Variants in EHBP1 observed in about 807,000 individuals in gnomAD.
The protein encoded by EHBP1 is EH domain-binding protein 1.
EHBP1 carries 55 observed loss-of-function variants against 144.0 expected under a neutral mutation model. The observed-to-expected ratio is 0.38, with a 90% CI of 0.31 to 0.48. The LOEUF is 0.48. EHBP1 is among the 20% of genes least tolerant of loss of function. The pLI is 0.98. For synonymous variants in EHBP1, 469 were observed against 472.7 expected (o/e 0.99, Z 0.10); for missense variants, 1,200 against 1,364.2 (o/e 0.88, Z 1.90).
intron 1 of EHBP1, among the ~76,000 whole-genome samples, chr2:62,685,139 T>C (rs534504423): frequency 6.6e-6 from 1 of 152,302 alleles, no homozygotes; most frequent in East Asian, 1.9e-4. Flanking sequence ...TTGAGTACAG[T>C]ACATTATAAT....
chr2:62,737,566 G>T (rs2038270377), intron 2 of EHBP1, among the ~76,000 whole-genome samples: 1 of 152,174 alleles, frequency 6.6e-6, no homozygotes, highest in Non-Finnish European at 1.5e-5. Flanking sequence ...CCTCATTTCT[G>T]TTATGGATCT....
chr2:62,823,250 A>G (rs1326742992), intron 5 of EHBP1, among the ~76,000 whole-genome samples: 1 of 152,168 alleles, frequency 6.6e-6, no homozygotes, highest in Non-Finnish European at 1.5e-5. Flanking sequence ...AAATACTGCC[A>G]GATGCACATA....
chr2:62,956,741 T>C (rs1216085840), intron 14 of EHBP1, among the ~76,000 whole-genome samples: 4 of 149,248 alleles, frequency 2.7e-5, no homozygotes, highest in African/African-American at 9.9e-5. Flanking sequence ...AAAACAACCA[T>C]CTTATTAGGT....
At chr2:63,035,711 T>A (rs1163643117) in intron 19 of EHBP1, among the ~76,000 whole-genome samples, 1 of 152,070 alleles carries the variant, frequency 6.6e-6, no homozygotes, top group Non-Finnish European at 1.5e-5. Flanking sequence ...CACCTATTAA[T>A]ATTGCACACA....
chr2:62,943,426 A>T (rs1436236776), intron 11 of EHBP1, among the ~76,000 whole-genome samples: 1 of 151,930 alleles, frequency 6.6e-6, no homozygotes, highest in East Asian at 1.9e-4. Context: ...ATCTCAAAGA[A>T]CTGACTTCAA....
chr2:63,027,286 T>A (rs1413710522), intron 19 of EHBP1, among the ~76,000 whole-genome samples: 1 of 152,220 alleles, frequency 6.6e-6, no homozygotes. Flanking sequence ...TACATGACAG[T>A]CTCTTTGAGA....
chr2:63,039,780 A>G (rs976327912), intron 21 of EHBP1, among the ~76,000 whole-genome samples: 1 of 152,166 alleles, frequency 6.6e-6, no homozygotes, highest in Non-Finnish European at 1.5e-5. Flanking sequence ...TCTGAATACT[A>G]TCATATATGC....
intron 15 of EHBP1, among the ~76,000 whole-genome samples, chr2:62,981,205 C>T (rs2058954424): frequency 6.6e-6 from 1 of 152,042 alleles, no homozygotes; most frequent in South Asian, 2.1e-4. Flanking sequence ...TTATGCACAG[C>T]TACATTTGTG....
At chr2:62,966,668 A>G (rs2058261500) in intron 14 of EHBP1, among the ~76,000 whole-genome samples, 1 of 152,200 alleles carries the variant, frequency 6.6e-6, no homozygotes. Flanking sequence ...TGTACATAAA[A>G]TATTCTTTTA....
rs772640266 is a variant in EHBP1 at position 62,949,077 on chromosome 2, A to T, written c.2231A>T (p.His744Leu). The T allele has an allele frequency of 1.9e-6, 3 of 1,607,644 alleles. No homozygotes were observed. Among genetic ancestry groups the T allele is most frequent in the South Asian group, 2.2e-5 (2 of 89,084 alleles). The change falls in exon 13 of 23, where the codon CAT (histidine) becomes CTT (leucine). Residue 744 changes from histidine to leucine, a missense_variant. His to Leu is a moderately conservative substitution (Grantham distance 99, BLOSUM62 -3). Coordinates refer to ENST00000431489, the MANE Select transcript of EHBP1 (RefSeq NM_001142616.3). The stretch of plus-strand genomic sequence containing the variant: ...GATCTAGACCTTGCTAAGAAAAAAC[A>T]TGCTTCCCTGAGGCAGACGGAGTCT... ...SRDLDLAKKK[H>L]ASLRQTESDP...
At chr2:62,729,519 A>AGTAAAT (rs2037255861) in intron 2 of EHBP1, among the ~76,000 whole-genome samples, 1 of 122,946 alleles carries the variant, frequency 8.1e-6, no homozygotes, top group South Asian at 2.2e-4. Context: ...TAATAAAATA[A>AGTAAAT]ATAAATATAA....
chr2:62,947,960 T>C (rs1205135628), intron 12 of EHBP1, among the ~76,000 whole-genome samples: 1 of 152,188 alleles, frequency 6.6e-6, no homozygotes, highest in Non-Finnish European at 1.5e-5. Context: ...TAGTCTAATG[T>C]TTCTTTATAC....
At chr2:62,765,811 T>C (rs1399211489) in intron 4 of EHBP1, among the ~76,000 whole-genome samples, 1 of 152,156 alleles carries the variant, frequency 6.6e-6, no homozygotes, top group Non-Finnish European at 1.5e-5. Flanking sequence ...GGGAGAATGG[T>C]ATGATGTCTC....
At chr2:62,845,348 T>C (rs1049607721) in intron 7 of EHBP1, among the ~76,000 whole-genome samples, 1 of 152,154 alleles carries the variant, frequency 6.6e-6, no homozygotes, top group African/African-American at 2.4e-5. Flanking sequence ...CCTTTTCCCA[T>C]AGTTGATAAA....
intron 2 of EHBP1, among the ~76,000 whole-genome samples, chr2:62,733,231 T>C (rs2037785285): frequency 6.6e-6 from 1 of 152,228 alleles, no homozygotes. Context: ...GGTTTTCTCT[T>C]TATCTGGATA....
At chr2:62,777,344 A>G (rs997595736) in intron 5 of EHBP1, among the ~76,000 whole-genome samples, 5 of 152,220 alleles carry the variant, frequency 3.3e-5, no homozygotes, top group African/African-American at 1.2e-4. Context: ...TTAAAAGCAT[A>G]TTGATGAAAG....
At chr2:62,925,828 C>A (rs1460085611) in intron 10 of EHBP1, among the ~76,000 whole-genome samples, 1 of 152,020 alleles carries the variant, frequency 6.6e-6, no homozygotes, top group Non-Finnish European at 1.5e-5. Flanking sequence ...ACCATGTAGC[C>A]CAAAGCGATC....
chr2:62,727,821 T>G (rs577760684), intron 2 of EHBP1, among the ~76,000 whole-genome samples: 1 of 152,164 alleles, frequency 6.6e-6, no homozygotes, highest in Non-Finnish European at 1.5e-5. Flanking sequence ...AAAATTAACA[T>G]AGGGCCAAGT....
Position 62,812,812 on chromosome 2 carries a change from T to A in EHBP1, c.313-13275T>A, listed in dbSNP as rs1043876650. 3.3e-5 allele frequency among the ~76,000 whole-genome samples: 5 copies of A among 152,102 alleles called. No homozygotes were observed. The South Asian group carries it at 6.2e-4, about 19-fold the overall frequency. ...TAGTGAGATGTGAGTGGAGAGAAATTATTTAAAGACAGAATTTATAATTAA... is the reference window on the plus strand; with the variant it reads ...TAGTGAGATGTGAGTGGAGAGAAATAATTTAAAGACAGAATTTATAATTAA... On this transcript the variant is annotated intron_variant, in intron 5 of 22. Transcript: ENST00000431489.
Sources: allele counts gnomAD v4.1 joint callset (sites outside exome capture counted in the v4.1 genomes callset), GRCh38; gene constraint gnomAD v4.1.1; transcripts MANE v1.5; gene names NCBI Gene and HGNC (gene_info 2026-07-23, HGNC 2026-07-21).